The following XRCC4 variants were observed in gnomAD, a reference collection of about 807,000 sequenced individuals.
XRCC4 encodes DNA repair protein XRCC4.
Under a neutral mutation model 39.1 loss-of-function variants are expected in XRCC4, and 28 were observed. The ratio of observed to expected loss-of-function variants is 0.72; its 90% CI spans 0.53 to 0.98. XRCC4 has a LOEUF of 0.98. Ranked by LOEUF, XRCC4 falls within the 50% of genes least tolerant of loss-of-function variation. The pLI, the probability that XRCC4 is intolerant of heterozygous loss-of-function variation, is 0.00. For missense variants in XRCC4, 350 were observed against 376.4 expected (o/e 0.93, Z 0.58); for synonymous variants, 123 against 126.4 (o/e 0.97, Z 0.18).
intron 3 of XRCC4, among the ~76,000 whole-genome samples, chr5:83,131,575 A>G (rs1747584959): frequency 6.6e-6 from 1 of 152,152 alleles, no homozygotes; most frequent in Non-Finnish European, 1.5e-5. Context: ...TATTGGGTGA[A>G]TATACATTTA....
intron 3 of XRCC4, among the ~76,000 whole-genome samples, chr5:83,139,183 C>T (rs1748044146): frequency 2.6e-5 from 4 of 152,040 alleles, no homozygotes; most frequent in Admixed American, 2.6e-4. Context: ...TGTGGAAGTT[C>T]GTTAGTGTTT....
intron 6 of XRCC4, among the ~76,000 whole-genome samples, chr5:83,213,139 G>T (rs1010714323): frequency 1.3e-5 from 2 of 151,880 alleles, no homozygotes; most frequent in African/African-American, 4.8e-5. Context: ...ATAACCAATA[G>T]TTTTATATCC....
At chr5:83,107,625 A>C (rs1010104389) in intron 2 of XRCC4, among the ~76,000 whole-genome samples, 2 of 151,894 alleles carry the variant, frequency 1.3e-5, no homozygotes, top group Admixed American at 6.6e-5. Context: ...TAAGTCACAA[A>C]GTGGGTTAAT....
At chr5:83,212,261 A>T (rs1299400362) in intron 6 of XRCC4, among the ~76,000 whole-genome samples, 1 of 152,194 alleles carries the variant, frequency 6.6e-6, no homozygotes, top group Non-Finnish European at 1.5e-5. Context: ...GATAGAAATT[A>T]TTTGAAATGA....
chr5:83,096,320 G>T (rs546748404), intron 1 of XRCC4, among the ~76,000 whole-genome samples: 1 of 151,990 alleles, frequency 6.6e-6, no homozygotes, highest in South Asian at 2.1e-4. Flanking sequence ...CACAGATGAG[G>T]GGGGCTGGAG....
intron 6 of XRCC4, among the ~76,000 whole-genome samples, chr5:83,252,102 C>T (rs937617248): frequency 6.6e-6 from 1 of 152,170 alleles, no homozygotes; most frequent in African/African-American, 2.4e-5. Context: ...ATCTCAGCCT[C>T]TTTTCTTGAT....
At chr5:83,181,671 C>G (rs1047903913) in intron 3 of XRCC4, among the ~76,000 whole-genome samples, 12 of 152,094 alleles carry the variant, frequency 7.9e-5, no homozygotes, top group African/African-American at 1.4e-4. Context: ...AGAACTGAAA[C>G]AGCCAAAAGG....
chr5:83,140,719 A>G (rs1255301199), intron 3 of XRCC4, among the ~76,000 whole-genome samples: 1 of 152,236 alleles, frequency 6.6e-6, no homozygotes, highest in African/African-American at 2.4e-5. Flanking sequence ...GCATATATTT[A>G]AAATTTCTTA....
chr5:83,113,240 C>T (rs1746534450), intron 3 of XRCC4, among the ~76,000 whole-genome samples: 1 of 152,170 alleles, frequency 6.6e-6, no homozygotes, highest in Non-Finnish European at 1.5e-5. Flanking sequence ...AGTCATGAAA[C>T]CTTAAAGTTC....
intron 7 of XRCC4, among the ~76,000 whole-genome samples, chr5:83,305,583 C>T (rs577739059): frequency 2.0e-5 from 3 of 152,214 alleles, no homozygotes; most frequent in Non-Finnish European, 2.9e-5. Context: ...TTCTGCACTA[C>T]ACTATGGCCC....
chr5:83,284,900 A>G lies in XRCC4; in HGVS notation c.893+26223A>G, dbSNP rs114668496. Among the ~76,000 whole-genome samples, 404 of 152,222 alleles carry G rather than the reference A, an allele frequency of 2.7e-3. 3 individuals are homozygous for G. The highest frequency in any genetic ancestry group is 9.4e-3 in the African/African-American group (391 of 41,574). On this transcript the variant is annotated intron_variant, in intron 7 of 7. Coordinates refer to ENST00000396027, the MANE Select transcript of XRCC4 (RefSeq NM_003401.5). Reference sequence around the variant, plus strand: ...TATTTAAGAATAATATTTTATGTATATATTAAACAGTAGTTTTCAAAGCAC... The same window carrying G: ...TATTTAAGAATAATATTTTATGTATGTATTAAACAGTAGTTTTCAAAGCAC...
intron 2 of XRCC4, among the ~76,000 whole-genome samples, chr5:83,109,841 A>G (rs1746363432): frequency 6.6e-6 from 1 of 151,960 alleles, no homozygotes; most frequent in Admixed American, 6.6e-5. Context: ...CAGCATAAAG[A>G]AAGGAACCTG....
chr5:83,348,765 G>C (rs1397251033), intron 7 of XRCC4, among the ~76,000 whole-genome samples: 1 of 152,206 alleles, frequency 6.6e-6, no homozygotes, highest in Non-Finnish European at 1.5e-5. Context: ...ATATGGCTAG[G>C]CTGCAAAATT....
At position 83,294,416 on chromosome 5, in the gene XRCC4, G is replaced by A. The variant is rs28360283; in HGVS notation, c.893+35739G>A. Among the ~76,000 whole-genome samples, 550 of 152,128 alleles carry A rather than the reference G, an allele frequency of 3.6e-3. 2 individuals are homozygous for A. Among genetic ancestry groups the A allele is most frequent in the African/African-American group, 0.012 (482 of 41,530 alleles). Reference sequence around the variant, plus strand: ...ATAGAATGATAAAAATAGCTTTACCGATTACTTTAGCTGTATTGTGCTCTG... The same window carrying A: ...ATAGAATGATAAAAATAGCTTTACCAATTACTTTAGCTGTATTGTGCTCTG... On this transcript the variant is annotated intron_variant, in intron 7 of 7. Transcript: ENST00000396027.
At chr5:83,251,579 C>T (rs1200572680) in intron 6 of XRCC4, among the ~76,000 whole-genome samples, 1 of 140,340 alleles carries the variant, frequency 7.1e-6, no homozygotes, top group South Asian at 2.4e-4. Context: ...AGGCGTAGAA[C>T]AATAAATATC....
At chr5:83,170,905 G>C (rs1466763266) in intron 3 of XRCC4, among the ~76,000 whole-genome samples, 1 of 152,096 alleles carries the variant, frequency 6.6e-6, no homozygotes, top group Non-Finnish European at 1.5e-5. Flanking sequence ...CTACTACTAA[G>C]ATAATAGAAG....
chr5:83,088,729 C>T (rs1745290969), intron 1 of XRCC4, among the ~76,000 whole-genome samples: 2 of 152,064 alleles, frequency 1.3e-5, no homozygotes, highest in Admixed American at 1.3e-4. Flanking sequence ...GAAAATTATT[C>T]ATGATAGTTC....
At chr5:83,090,508 G>A (rs183836937) in intron 1 of XRCC4, among the ~76,000 whole-genome samples, 1 of 152,218 alleles carries the variant, frequency 6.6e-6, no homozygotes, top group East Asian at 1.9e-4. Flanking sequence ...TGAATCTCAG[G>A]TATGTCTATC....
At chr5:83,123,287 G>A (rs1253467728) in intron 3 of XRCC4, among the ~76,000 whole-genome samples, 2 of 151,956 alleles carry the variant, frequency 1.3e-5, no homozygotes, top group African/African-American at 2.4e-5. Flanking sequence ...ACTATGAAAT[G>A]ACCCTCTAAT....
Sources: gnomAD v4.1 joint callset for allele counts (sites outside exome capture counted in the v4.1 genomes callset) on GRCh38, gnomAD v4.1.1 for gene constraint, MANE v1.5 for transcripts, NCBI Gene and HGNC (gene_info 2026-07-23, HGNC 2026-07-21) for gene names.